Variants in FAM107B observed in about 807,000 individuals in gnomAD.
FAM107B encodes the protein protein FAM107B.
A neutral mutation model predicts 31.5 loss-of-function variants in FAM107B; 21 were observed. The observed-to-expected ratio is 0.67, with a 90% CI of 0.47 to 0.96. FAM107B has a LOEUF of 0.96. Among genes scored for constraint, FAM107B ranks in the 40% least tolerant of loss-of-function variants. The pLI, the probability that FAM107B is intolerant of heterozygous loss-of-function variation, is 0.00. For missense variants in FAM107B, 452 were observed against 377.1 expected (o/e 1.20, Z -1.64); for synonymous variants, 157 against 141.5 (o/e 1.11, Z -0.78).
rs1265986766 is a variant in FAM107B at position 14,587,964 on chromosome 10, T to C, written c.470-57449A>G. 2.0e-5 allele frequency among the ~76,000 whole-genome samples: 3 copies of C among 152,212 alleles called. No individual in the cohort carries two copies. The South Asian group carries it at 6.2e-4, about 32-fold the overall frequency. On this transcript the variant is annotated intron_variant, in intron 2 of 4. Transcript: ENST00000181796. ...CTCCAGCATGGGACAATTACCAGTG[T>C]GACACCCTTGAGAGAAATGGTGGGA...
rs766301008 is a variant in FAM107B, at chr10:14,667,629, T to C, written c.469+5A>G. On this transcript the variant is annotated splice_donor_5th_base_variant and intron_variant, in intron 2 of 4. Transcript: ENST00000181796. ...GGAAAAGGAATCACACAGAATGTACTCTACCTGATGTCATTTTCTGCTCCA... is the reference window on the plus strand; with the variant it reads ...GGAAAAGGAATCACACAGAATGTACCCTACCTGATGTCATTTTCTGCTCCA... 3.6e-5 allele frequency: 58 copies of C among 1,614,020 alleles called. No homozygotes were observed. Among genetic ancestry groups the C allele is most frequent in the Non-Finnish European group, 4.7e-5 (55 of 1,179,994 alleles).
At chr10:14,645,070 C>A (rs1360971502) in intron 2 of FAM107B, among the ~76,000 whole-genome samples, 1 of 152,150 alleles carries the variant, frequency 6.6e-6, no homozygotes, top group Non-Finnish European at 1.5e-5. Flanking sequence ...CATTATCTTT[C>A]TTGAATGTGA....
At chr10:14,700,827 C>CAAAAA (rs1159035034) in intron 1 of FAM107B, among the ~76,000 whole-genome samples, 10 of 76,020 alleles carry the variant, frequency 1.3e-4, no homozygotes, top group East Asian at 4.6e-4. Flanking sequence ...TGGCAAGAGG[C>CAAAAA]AAAAAAAAAA....
chr10:14,549,473 C>T lies in FAM107B; in HGVS notation c.470-18958G>A, dbSNP rs187260772. Among the ~76,000 whole-genome samples the T allele has an allele frequency of 1.8e-3, 277 of 152,344 alleles. 1 individual carries two copies. Among genetic ancestry groups the T allele is most frequent in the African/African-American group, 6.5e-3 (270 of 41,580 alleles). On this transcript the variant is annotated intron_variant, in intron 2 of 4. Transcript: ENST00000181796. Reference sequence around the variant, plus strand: ...ATTTATGTGAAGCCTCCCTTTTAAACTAAGGGGGCTTTGGCAAAAGTTTAA... The same window carrying T: ...ATTTATGTGAAGCCTCCCTTTTAAATTAAGGGGGCTTTGGCAAAAGTTTAA...
chr10:14,561,014 G>A (rs1006304246), intron 2 of FAM107B, among the ~76,000 whole-genome samples: 2 of 152,178 alleles, frequency 1.3e-5, no homozygotes, highest in Non-Finnish European at 2.9e-5. Flanking sequence ...TCAGGCACAG[G>A]GTGTGCCACT....
At chr10:14,585,779 T>A (rs573622409) in intron 2 of FAM107B, among the ~76,000 whole-genome samples, 2 of 152,200 alleles carry the variant, frequency 1.3e-5, no homozygotes, top group South Asian at 4.1e-4. Flanking sequence ...TTGGTCAGGA[T>A]CTTCACTCAT....
chr10:14,704,273 G>GTGTA (rs1466612487), intron 1 of FAM107B, among the ~76,000 whole-genome samples: 1 of 151,340 alleles, frequency 6.6e-6, no homozygotes, highest in African/African-American at 2.4e-5. Context: ...ATTGCTCTGT[G>GTGTA]TGTGTGTGTG....
intron 2 of FAM107B, among the ~76,000 whole-genome samples, chr10:14,655,177 G>A (rs1009684904): frequency 2.6e-5 from 4 of 152,094 alleles, no homozygotes; most frequent in African/African-American, 4.8e-5. Flanking sequence ...TGAGAGCTCC[G>A]TCAATCCATC....
intron 1 of FAM107B, among the ~76,000 whole-genome samples, chr10:14,716,159 A>C (rs1478702962): frequency 6.6e-6 from 1 of 152,208 alleles, no homozygotes; most frequent in East Asian, 1.9e-4. Flanking sequence ...GCTTTTGTGA[A>C]ATATATCTAC....
chr10:14,604,989 C>T (rs2131383123), intron 2 of FAM107B, among the ~76,000 whole-genome samples: 1 of 152,282 alleles, frequency 6.6e-6, no homozygotes, highest in East Asian at 1.9e-4. Flanking sequence ...CGTCTCGCTC[C>T]TGGGTGTCCG....
At chr10:14,686,408 AGT>A (rs1305157256) in intron 1 of FAM107B, among the ~76,000 whole-genome samples, 2 of 150,764 alleles carry the variant, frequency 1.3e-5, no homozygotes, top group Non-Finnish European at 2.9e-5. Flanking sequence ...AAAAAAAAAA[AGT>A]GTGGTGGCAA....
chr10:14,533,869 T>C (rs1409023230), intron 2 of FAM107B, among the ~76,000 whole-genome samples: 3 of 151,728 alleles, frequency 2.0e-5, no homozygotes, highest in African/African-American at 7.3e-5. Flanking sequence ...ACCAGTGGGG[T>C]GAGGGGCACC....
chr10:14,550,894 G>A (rs1849196614), intron 2 of FAM107B, among the ~76,000 whole-genome samples: 1 of 152,170 alleles, frequency 6.6e-6, no homozygotes, highest in South Asian at 2.1e-4. Context: ...CTGACAGCTG[G>A]TTATAGAGGA....
intron 2 of FAM107B, among the ~76,000 whole-genome samples, chr10:14,531,522 A>T (rs548846277): frequency 2.2e-5 from 3 of 135,664 alleles, no homozygotes; most frequent in Non-Finnish European, 4.7e-5. Context: ...GCAAGACCTC[A>T]TATCTCTAAA....
chr10:14,728,107 T>A (rs1856078153), intron 1 of FAM107B, among the ~76,000 whole-genome samples: 1 of 152,194 alleles, frequency 6.6e-6, no homozygotes, highest in Non-Finnish European at 1.5e-5. Context: ...AAATGAAATG[T>A]CCACCCAACA....
intron 2 of FAM107B, among the ~76,000 whole-genome samples, chr10:14,536,616 T>C (rs890912357): frequency 1.3e-5 from 2 of 152,226 alleles, no homozygotes; most frequent in Non-Finnish European, 2.9e-5. Context: ...CTGACTTGCC[T>C]GGCCCTAAGG....
At chr10:14,748,148 C>G (rs1265053055) in intron 1 of FAM107B, among the ~76,000 whole-genome samples, 1 of 152,204 alleles carries the variant, frequency 6.6e-6, no homozygotes, top group South Asian at 2.1e-4. Flanking sequence ...ATTTTAGCAA[C>G]TAGATTGTGG....
At chr10:14,629,317 A>AATATATTATATAT (rs1853263321) in intron 2 of FAM107B, among the ~76,000 whole-genome samples, 1 of 90,260 alleles carries the variant, frequency 1.1e-5, no homozygotes, top group Non-Finnish European at 2.2e-5. Flanking sequence ...AATATATATA[A>AATATATTATATAT]TATATAAATT....
At chr10:14,769,255 T>A (rs968710039) in intron 1 of FAM107B, among the ~76,000 whole-genome samples, 4 of 152,232 alleles carry the variant, frequency 2.6e-5, no homozygotes, top group African/African-American at 9.6e-5. Flanking sequence ...AGGCCACTGC[T>A]GGGGTGCTAG....
Sources: allele counts gnomAD v4.1 joint callset (sites outside exome capture counted in the v4.1 genomes callset), GRCh38; gene constraint gnomAD v4.1.1; transcripts MANE v1.5; gene names NCBI Gene and HGNC (gene_info 2026-07-23, HGNC 2026-07-21).